PLS3: variants seen among roughly 807,000 people sequenced by gnomAD.
PLS3 encodes the protein plastin 3.
Under a neutral mutation model 46.5 loss-of-function variants are expected in PLS3, and 11 were observed. The ratio of observed to expected loss-of-function variants is 0.24; its 90% CI spans 0.15 to 0.39. PLS3 has a LOEUF of 0.39. Among genes scored for constraint, PLS3 ranks in the 10% least tolerant of loss-of-function variants. The probability of loss-of-function intolerance (pLI) is 1.00; values close to 1 mark genes in which losing one functional copy is unlikely to be tolerated. For missense variants in PLS3, 308 were observed against 461.8 expected, an observed-to-expected ratio of 0.67 and a Z score of 3.05; for synonymous variants, 167 against 162.2, an observed-to-expected ratio of 1.03 and a Z score of -0.22.
At chrX:115,584,518 A>G (rs1055758723) in intron 1 of PLS3, among the ~76,000 whole-genome samples, 4 of 112,344 alleles carry the variant, frequency 3.6e-5, no homozygotes, top group Non-Finnish European at 7.5e-5. Context: ...AATCTAGTTC[A>G]AGAAGCTAGA....
chrX:115,587,369 TATGACGATC>T, intron 1 of PLS3, among the ~76,000 whole-genome samples: 1 of 112,420 alleles, frequency 8.9e-6, no homozygotes, highest in Non-Finnish European at 1.9e-5. Flanking sequence ...CATATGGATA[TATGACGATC>T]GTCTTGAGGG....
chrX:115,643,987 A>T (rs1422125373), intron 10 of PLS3, among the ~76,000 whole-genome samples: 1 of 111,538 alleles, frequency 9.0e-6, no homozygotes, highest in Non-Finnish European at 1.9e-5. Context: ...ATAAATAAAA[A>T]AAATAAAAAG....
intron 9 of PLS3, among the ~76,000 whole-genome samples, chrX:115,642,996 A>T (rs1556641192): frequency 1.8e-5 from 2 of 111,900 alleles, no homozygotes; most frequent in African/African-American, 6.5e-5. Context: ...GAAGATGGTG[A>T]ATGTATATTT....
rs782123894 is a variant in PLS3 at position 115,646,325 on chromosome X, A to G, written c.1378-77A>G. 5.7e-6 allele frequency: 6 copies of G among 1,043,523 alleles called. No homozygotes were observed. In the South Asian group the frequency reaches 1.0e-4, roughly 18 times the overall value. The allele number at this position is 1,043,523 out of a possible 1,213,427, so 86.0% of individuals were successfully genotyped here. ...TTGTTTTTGTGTGCTGATACCTAGC[A>G]TTATACAAGACACACACACACGTAT... On this transcript the variant is annotated intron_variant, in intron 12 of 15. Coordinates refer to ENST00000355899, the MANE Select transcript of PLS3 (RefSeq NM_005032.7).
At chrX:115,647,075 C>G (rs1446389081) in intron 13 of PLS3, among the ~76,000 whole-genome samples, 1 of 111,367 alleles carries the variant, frequency 9.0e-6, no homozygotes, top group Non-Finnish European at 1.9e-5. Context: ...CAAGCCACTA[C>G]TGCTTGAAAT....
At chrX:115,590,682 T>C (rs934410592) in intron 1 of PLS3, among the ~76,000 whole-genome samples, 1 of 110,974 alleles carries the variant, frequency 9.0e-6, no homozygotes, top group Non-Finnish European at 1.9e-5. Flanking sequence ...TAGCCGGGCA[T>C]GGTGGCAGGT....
chrX:115,639,408 C>G (rs781799390), intron 8 of PLS3, among the ~76,000 whole-genome samples: 1 of 111,887 alleles, frequency 8.9e-6, no homozygotes, highest in East Asian at 2.8e-4. Context: ...TAAAAGGCAC[C>G]TTTCTGGGCA....
At chrX:115,616,412 C>G (rs2074599126) in intron 2 of PLS3, among the ~76,000 whole-genome samples, 1 of 112,213 alleles carries the variant, frequency 8.9e-6, no homozygotes, top group Non-Finnish European at 1.9e-5. Flanking sequence ...AAACATGACT[C>G]AAAGACTATC....
At chrX:115,612,649 T>C (rs1291435456) in intron 2 of PLS3, among the ~76,000 whole-genome samples, 1 of 111,581 alleles carries the variant, frequency 9.0e-6, no homozygotes, top group Admixed American at 9.6e-5. Flanking sequence ...CTTGATTATC[T>C]CCTTAGAAAT....
intron 1 of PLS3, among the ~76,000 whole-genome samples, chrX:115,570,761 T>G (rs2074209278): frequency 9.1e-6 from 1 of 110,191 alleles, no homozygotes; most frequent in Admixed American, 9.7e-5. Flanking sequence ...GGGTTTTTTG[T>G]GTTTTATTTA....
At chrX:115,587,549 C>A (rs1312354084) in intron 1 of PLS3, among the ~76,000 whole-genome samples, 2 of 111,242 alleles carry the variant, frequency 1.8e-5, no homozygotes, top group African/African-American at 6.5e-5. Context: ...TCCTGGCTAA[C>A]ACGGTGAAAC....
chrX:115,589,461 T>G (rs781787585), intron 1 of PLS3, among the ~76,000 whole-genome samples: 36 of 112,286 alleles, frequency 3.2e-4, no homozygotes, highest in South Asian at 1.5e-3. Context: ...TTCTTGAATG[T>G]AAACTTGTTG....
At chrX:115,576,440 G>A (rs1033379172) in intron 1 of PLS3, among the ~76,000 whole-genome samples, 1 of 111,575 alleles carries the variant, frequency 9.0e-6, no homozygotes, top group African/African-American at 3.3e-5. Context: ...GCATGGTGGC[G>A]TGCGCCTATA....
intron 7 of PLS3, among the ~76,000 whole-genome samples, chrX:115,636,433 C>T (rs1415028470): frequency 9.0e-6 from 1 of 110,982 alleles, no homozygotes; most frequent in Non-Finnish European, 1.9e-5. Context: ...GTCTTGATCT[C>T]CTGACCTCGT....
At chrX:115,620,838 C>T (rs2074645987) in intron 2 of PLS3, among the ~76,000 whole-genome samples, 2 of 99,870 alleles carry the variant, frequency 2.0e-5, no homozygotes, top group African/African-American at 7.4e-5. Context: ...GGACTATAGG[C>T]GCCCACCACC....
chrX:115,617,346 G>A (rs190469062), intron 2 of PLS3, among the ~76,000 whole-genome samples: 5 of 111,751 alleles, frequency 4.5e-5, no homozygotes, highest in Non-Finnish European at 9.4e-5. Flanking sequence ...GGTAGGGACA[G>A]GATTAGAACA....
intron 9 of PLS3, among the ~76,000 whole-genome samples, chrX:115,641,602 A>T (rs1283447771): frequency 9.0e-6 from 1 of 110,896 alleles, no homozygotes; most frequent in Non-Finnish European, 1.9e-5. Context: ...TTCTGTCTGT[A>T]TGTTAAATGC....
intron 5 of PLS3, among the ~76,000 whole-genome samples, chrX:115,630,455 G>A (rs1556639118): frequency 9.1e-6 from 1 of 109,517 alleles, no homozygotes; most frequent in Non-Finnish European, 1.9e-5. Flanking sequence ...GTGGTTAATA[G>A]CATGCTCCAT....
intron 3 of PLS3, among the ~76,000 whole-genome samples, chrX:115,627,837 T>C (rs1346225593): frequency 8.9e-6 from 1 of 112,165 alleles, no homozygotes; most frequent in African/African-American, 3.2e-5. Context: ...GGTATGGAAA[T>C]ACTGAGTAAG....
Sources: gnomAD v4.1 joint callset for allele counts (sites outside exome capture counted in the v4.1 genomes callset) on GRCh38, gnomAD v4.1.1 for gene constraint, MANE v1.5 for transcripts, NCBI Gene and HGNC (gene_info 2026-07-23, HGNC 2026-07-21) for gene names.